The following FAM107B variants were observed in gnomAD, a reference collection of about 807,000 sequenced individuals.
The protein encoded by FAM107B is protein FAM107B.
Under a neutral mutation model 31.5 loss-of-function variants are expected in FAM107B, and 21 were observed. The observed-to-expected ratio is 0.67, with a 90% CI of 0.47 to 0.96. The LOEUF (loss-of-function observed/expected upper bound fraction) is 0.96, where lower values mean the gene tolerates loss of function less well. FAM107B is among the 40% of genes least tolerant of loss of function. FAM107B has a pLI of 0.00. For synonymous variants in FAM107B, 157 were observed against 141.5 expected (o/e 1.11, Z -0.78); for missense variants, 452 against 377.1 (o/e 1.20, Z -1.64).
intron 1 of FAM107B, among the ~76,000 whole-genome samples, chr10:14,729,823 T>C (rs1856123246): frequency 6.6e-6 from 1 of 152,108 alleles, no homozygotes; most frequent in African/African-American, 2.4e-5. Context: ...ATTAAGACAA[T>C]GTGGCACATA....
chr10:14,588,276 C>G (rs923430216), intron 2 of FAM107B, among the ~76,000 whole-genome samples: 1 of 151,962 alleles, frequency 6.6e-6, no homozygotes, highest in African/African-American at 2.4e-5. Flanking sequence ...TAGAGTCAGT[C>G]ATCACATATT....
At chr10:14,737,365 C>T (rs190156483) in intron 1 of FAM107B, among the ~76,000 whole-genome samples, 1 of 152,092 alleles carries the variant, frequency 6.6e-6, no homozygotes. Flanking sequence ...CTCATGGGAG[C>T]ACTTCAGAAC....
chr10:14,718,799 C>A (rs1393662263), intron 1 of FAM107B, among the ~76,000 whole-genome samples: 1 of 152,194 alleles, frequency 6.6e-6, no homozygotes, highest in African/African-American at 2.4e-5. Flanking sequence ...CCTTTTGTGG[C>A]AATGCTGGTT....
At position 14,589,647 on chromosome 10, in the gene FAM107B, T is replaced by G. The variant is rs1851953354; in HGVS notation, c.470-59132A>C. Among the ~76,000 whole-genome samples, 3 of 151,922 alleles carry G rather than the reference T, an allele frequency of 2.0e-5. No individual in the cohort carries two copies. The South Asian group carries it at 6.2e-4, about 32-fold the overall frequency. ...CATAGGGTGAATAAGAGTACATTCTTGGGGGATGAGGGGCAAGGGGAGGGA... is the reference window on the plus strand; with the variant it reads ...CATAGGGTGAATAAGAGTACATTCTGGGGGGATGAGGGGCAAGGGGAGGGA... On this transcript the variant is annotated intron_variant, in intron 2 of 4. Coordinates refer to ENST00000181796, the MANE Select transcript of FAM107B (RefSeq NM_031453.4).
intron 3 of FAM107B, among the ~76,000 whole-genome samples, chr10:14,522,530 C>T (rs1242460742): frequency 6.6e-6 from 1 of 152,100 alleles, no homozygotes; most frequent in Non-Finnish European, 1.5e-5. Flanking sequence ...ATTCTCCTGC[C>T]TCAGCCTCTG....
chr10:14,674,030 G>GA (rs144842510), intron 1 of FAM107B, among the ~76,000 whole-genome samples: 5,168 of 152,104 alleles, frequency 0.034, 282 homozygotes, highest in African/African-American at 0.12. Context: ...AGTATCTCTA[G>GA]AAAAGAGGGC....
intron 2 of FAM107B, among the ~76,000 whole-genome samples, chr10:14,594,888 T>C (rs112015167): frequency 0.014 from 2,143 of 152,320 alleles, 57 homozygotes; most frequent in African/African-American, 0.048. Flanking sequence ...AGTGGACCTT[T>C]TTCTCATCAG....
rs576182118 is a variant in FAM107B at position 14,712,283 on chromosome 10, A to T, written c.412-44592T>A. ...TTATACTCACAAAAATTAAAAAATT[A>T]AAAAAAAATGTTTAAAAAGAAGTTG... is the stretch of plus-strand genomic sequence containing the variant. On this transcript the variant is annotated intron_variant, in intron 1 of 4. Coordinates refer to ENST00000181796, the MANE Select transcript of FAM107B (RefSeq NM_031453.4). Among the ~76,000 whole-genome samples the T allele has an allele frequency of 3.1e-4, 47 of 151,706 alleles. No individual in the cohort carries two copies. In the East Asian group the frequency reaches 5.2e-3, roughly 17 times the overall value.
intron 2 of FAM107B, among the ~76,000 whole-genome samples, chr10:14,610,574 G>A (rs538962577): frequency 6.6e-6 from 1 of 152,288 alleles, no homozygotes; most frequent in South Asian, 2.1e-4. Flanking sequence ...AGCAAATATA[G>A]CACATGCATA....
chr10:14,771,151 G>A (rs1833293650), intron 1 of FAM107B, among the ~76,000 whole-genome samples: 1 of 151,928 alleles, frequency 6.6e-6, no homozygotes. Flanking sequence ...AAGTCACTTG[G>A]TAATGAAAAA....
rs1440609298 is a variant in FAM107B, at chr10:14,767,055, T to TATATAG, written c.411+7197_411+7198insCTATAT. ...ATATATATATATATATATATATATA[T>TATATAG]AGAGAGAGAGAGAGAGAGAGAGAGA... On this transcript the variant is annotated intron_variant, in intron 1 of 4. Coordinates refer to ENST00000181796, the MANE Select transcript of FAM107B (RefSeq NM_031453.4). 1.4e-3 allele frequency among the ~76,000 whole-genome samples: 25 copies of TATATAG among 18,280 alleles called. 1 individual carries two copies. Among genetic ancestry groups the TATATAG allele is most frequent in the Non-Finnish European group, 1.9e-3 (17 of 8,948 alleles). 12.0% of individuals were successfully genotyped at this position (18,280 alleles called of 152,430 possible).
intron 1 of FAM107B, among the ~76,000 whole-genome samples, chr10:14,669,464 T>A (rs1298417534): frequency 6.6e-6 from 1 of 151,902 alleles, no homozygotes; most frequent in Non-Finnish European, 1.5e-5. Flanking sequence ...TGAGCACTAT[T>A]CACAAAGATA....
chr10:14,622,915 T>A (rs17258923), intron 2 of FAM107B, among the ~76,000 whole-genome samples: 1 of 152,170 alleles, frequency 6.6e-6, no homozygotes, highest in African/African-American at 2.4e-5. Flanking sequence ...ACACTCCTAA[T>A]GCATTCATTA....
intron 1 of FAM107B, among the ~76,000 whole-genome samples, chr10:14,684,082 A>C (rs1172958140): frequency 6.6e-6 from 1 of 152,212 alleles, no homozygotes; most frequent in Non-Finnish European, 1.5e-5. Flanking sequence ...ATGAGGGCAC[A>C]CTTCCTTGTT....
At chr10:14,521,398 C>A in intron 4 of FAM107B, 92 bp from the exon 5 acceptor site, 1 of 1,007,628 alleles carries the variant, frequency 9.9e-7, no homozygotes. Flanking sequence ...GACAACTTTA[C>A]TTCCCCACAG....
chr10:14,526,214 C>G (rs1322266744), intron 3 of FAM107B, among the ~76,000 whole-genome samples: 1 of 152,148 alleles, frequency 6.6e-6, no homozygotes, highest in Non-Finnish European at 1.5e-5. Context: ...CGCTCTATTG[C>G]CCATGCTGGA....
At chr10:14,658,859 T>C (rs1292568259) in intron 2 of FAM107B, among the ~76,000 whole-genome samples, 1 of 152,206 alleles carries the variant, frequency 6.6e-6, no homozygotes, top group Non-Finnish European at 1.5e-5. Context: ...TCATGATGCT[T>C]ACCTTCTAGA....
At chr10:14,528,552 G>C (rs964794006) in intron 3 of FAM107B, among the ~76,000 whole-genome samples, 2 of 152,096 alleles carry the variant, frequency 1.3e-5, no homozygotes, top group East Asian at 3.9e-4. Flanking sequence ...CTCAAGAGGG[G>C]ATACCTTGGC....
intron 1 of FAM107B, among the ~76,000 whole-genome samples, chr10:14,771,908 T>C (rs1330518875): frequency 6.6e-6 from 1 of 152,214 alleles, no homozygotes; most frequent in Non-Finnish European, 1.5e-5. Flanking sequence ...AATTAATTAG[T>C]AGTAGAAGCA....
Sources: allele counts gnomAD v4.1 joint callset (sites outside exome capture counted in the v4.1 genomes callset), GRCh38; gene constraint gnomAD v4.1.1; transcripts MANE v1.5; gene names NCBI Gene and HGNC (gene_info 2026-07-23, HGNC 2026-07-21).